The following CNTNAP4 variants were observed in gnomAD, a reference collection of about 807,000 sequenced individuals.
CNTNAP4 encodes contactin associated protein family member 4.
A neutral mutation model predicts 148.4 loss-of-function variants in CNTNAP4; 98 were observed. The ratio of observed to expected loss-of-function variants is 0.66; its 90% CI spans 0.56 to 0.78. The LOEUF is 0.78. CNTNAP4 is among the 30% of genes least tolerant of loss of function. CNTNAP4 has a pLI of 0.00. For missense variants in CNTNAP4, 1,935 were observed against 1,565.6 expected, an observed-to-expected ratio of 1.24 and a Z score of -3.98; for synonymous variants, 730 against 565.1, an observed-to-expected ratio of 1.29 and a Z score of -4.14.
At chr16:76,452,905 C>T in intron 8 of CNTNAP4, 136 bp downstream of exon 8, 1 of 817,328 alleles carries the variant, frequency 1.2e-6, no homozygotes, top group Non-Finnish European at 1.8e-6. Flanking sequence ...ATTATAAGTA[C>T]TCTTCCTTAG....
chr16:76,392,471 A>C (rs1417983837), intron 3 of CNTNAP4, among the ~76,000 whole-genome samples: 2 of 152,222 alleles, frequency 1.3e-5, no homozygotes, highest in Non-Finnish European at 2.9e-5. Flanking sequence ...AGGATACAGA[A>C]TTCCGCAAAT....
chr16:76,468,474 A>AAAAT (rs570603130), intron 10 of CNTNAP4, among the ~76,000 whole-genome samples: 4,710 of 151,876 alleles, frequency 0.031, 99 homozygotes, highest in Non-Finnish European at 0.044. Flanking sequence ...ACTCTGGCTC[A>AAAAT]AAATAAATAA....
intron 21 of CNTNAP4, among the ~76,000 whole-genome samples, chr16:76,544,649 T>G (rs2084628182): frequency 6.6e-6 from 1 of 152,240 alleles, no homozygotes; most frequent in Non-Finnish European, 1.5e-5. Context: ...TTTTTATATT[T>G]AATTTTACTA....
At chr16:76,290,551 A>G (rs1278120974) in intron 1 of CNTNAP4, among the ~76,000 whole-genome samples, 2 of 152,166 alleles carry the variant, frequency 1.3e-5, no homozygotes, top group Non-Finnish European at 2.9e-5. Context: ...TTGGTACCCA[A>G]AGACCTATTC....
At chr16:76,392,201 C>A (rs1408917610) in intron 3 of CNTNAP4, among the ~76,000 whole-genome samples, 1 of 152,134 alleles carries the variant, frequency 6.6e-6, no homozygotes. Context: ...ATCTTGTTAG[C>A]CAGGCTTGTC....
chr16:76,469,771 T>C (rs1010748732), intron 10 of CNTNAP4, among the ~76,000 whole-genome samples: 1 of 152,248 alleles, frequency 6.6e-6, no homozygotes, highest in Non-Finnish European at 1.5e-5. Flanking sequence ...ATCTTGACTA[T>C]ACATGTTTCT....
intron 17 of CNTNAP4, among the ~76,000 whole-genome samples, chr16:76,531,670 AC>A (rs927685960): frequency 2.0e-5 from 3 of 152,242 alleles, no homozygotes; most frequent in Admixed American, 6.5e-5. Flanking sequence ...CTGAAAAGGC[AC>A]TGGAATCTTT....
chr16:76,300,253 T>G (rs1441118072), intron 1 of CNTNAP4, among the ~76,000 whole-genome samples: 1 of 152,204 alleles, frequency 6.6e-6, no homozygotes, highest in East Asian at 1.9e-4. Context: ...CCATTGTTGC[T>G]TATAAGCAGA....
intron 1 of CNTNAP4, 123 bp from the exon 2 acceptor site, chr16:76,316,287 ATAT>A: frequency 4.1e-6 from 3 of 725,520 alleles, no homozygotes; most frequent in Non-Finnish European, 7.6e-6. Flanking sequence ...AGTAGTAGGC[ATAT>A]TTTTAGAGAT....
chr16:76,369,311 G>T (rs919740092), intron 3 of CNTNAP4, among the ~76,000 whole-genome samples: 1 of 152,014 alleles, frequency 6.6e-6, no homozygotes, highest in Non-Finnish European at 1.5e-5. Flanking sequence ...TCACACCCAT[G>T]GTATTATGGT....
In CNTNAP4 at chr16:76,500,969, T is replaced by C. The variant is rs186871019; in HGVS notation, c.2365+2275T>C. Among the ~76,000 whole-genome samples the C allele has an allele frequency of 1.7e-3, 256 of 152,328 alleles. 1 individual carries two copies. The highest frequency in any genetic ancestry group is 5.7e-3 in the African/African-American group (236 of 41,578). On this transcript the variant is annotated intron_variant, in intron 15 of 23. Coordinates refer to ENST00000611870, the MANE Select transcript of CNTNAP4 (RefSeq NM_033401.5). ...AACACCACGCCTTAAAATAAAATTT[T>C]ATGCTAGGGGCACAACAGAATAAGA...
chr16:76,506,723 G>A (rs1392668288), intron 15 of CNTNAP4, among the ~76,000 whole-genome samples: 2 of 93,778 alleles, frequency 2.1e-5, no homozygotes, highest in Non-Finnish European at 6.0e-5. Flanking sequence ...TGCCCACCTC[G>A]GCCTCCCACA....
intron 3 of CNTNAP4, among the ~76,000 whole-genome samples, chr16:76,373,755 C>G (rs879913647): frequency 6.6e-6 from 1 of 151,814 alleles, no homozygotes. Flanking sequence ...ATTAGCCAGG[C>G]ATGGTGGCAG....
At chr16:76,434,676 T>C (rs984541431) in intron 4 of CNTNAP4, among the ~76,000 whole-genome samples, 2 of 152,192 alleles carry the variant, frequency 1.3e-5, no homozygotes, top group African/African-American at 4.8e-5. Flanking sequence ...TTTCATTTAC[T>C]ATTTTTCTTG....
At chr16:76,515,647 A>G (rs12930430) in intron 15 of CNTNAP4, among the ~76,000 whole-genome samples, 62,185 of 152,094 alleles carry the variant, frequency 0.41, 13,888 homozygotes, top group Middle Eastern at 0.55. Flanking sequence ...GACTAACACA[A>G]TGGGCAAAAG....
intron 3 of CNTNAP4, among the ~76,000 whole-genome samples, chr16:76,371,536 C>G (rs2014823544): frequency 6.6e-6 from 1 of 152,184 alleles, no homozygotes. Context: ...CTGCCCACGT[C>G]AGCCTCCCAA....
At chr16:76,458,612 A>G (rs900568564) in intron 8 of CNTNAP4, among the ~76,000 whole-genome samples, 2 of 152,076 alleles carry the variant, frequency 1.3e-5, no homozygotes, top group Admixed American at 1.3e-4. Context: ...TCGAACTCCT[A>G]GGAAAATCTA....
intron 9 of CNTNAP4, among the ~76,000 whole-genome samples, chr16:76,465,346 T>A (rs2081136922): frequency 1.3e-5 from 2 of 152,230 alleles, no homozygotes; most frequent in Admixed American, 6.5e-5. Context: ...TAACCTGGGT[T>A]GAACCCCTCT....
intron 17 of CNTNAP4, among the ~76,000 whole-genome samples, chr16:76,529,523 A>G (rs1196260123): frequency 6.6e-6 from 1 of 152,154 alleles, no homozygotes; most frequent in African/African-American, 2.4e-5. Context: ...TAAACTCAGC[A>G]TTTTCGTAGA....
Sources: allele counts gnomAD v4.1 joint callset (sites outside exome capture counted in the v4.1 genomes callset), GRCh38; gene constraint gnomAD v4.1.1; transcripts MANE v1.5; gene names NCBI Gene and HGNC (gene_info 2026-07-23, HGNC 2026-07-21).